SRRT: variants seen among roughly 807,000 people sequenced by gnomAD.
SRRT encodes the protein serrate RNA effector molecule homolog.
A neutral mutation model predicts 103.2 loss-of-function variants in SRRT; 32 were observed. That is an observed-to-expected ratio of 0.31 (90% CI 0.23 to 0.42). The LOEUF (loss-of-function observed/expected upper bound fraction) is 0.42, where lower values mean the gene tolerates loss of function less well. Ranked by LOEUF, SRRT falls within the 10% of genes least tolerant of loss-of-function variation. The pLI, the probability that SRRT is intolerant of heterozygous loss-of-function variation, is 1.00. For synonymous variants in SRRT, 525 were observed against 449.0 expected (o/e 1.17, Z -2.14); for missense variants, 986 against 1,207.5 (o/e 0.82, Z 2.72).
In SRRT at chr7:100,886,455, A is replaced by T; in HGVS notation, c.1647+20A>T. 1 of 1,597,488 alleles carries T rather than the reference A, an allele frequency of 6.3e-7. No homozygotes were observed. The highest frequency in any genetic ancestry group is 8.5e-7 in the Non-Finnish European group (1 of 1,172,330). On this transcript the variant is annotated intron_variant, in intron 13 of 19. Transcript: ENST00000611405. ...CCCACGGTCAGTGACTCCCCAAAGG[A>T]CTTTGTCAGAAGCAACTGGTAGTGC... is the stretch of plus-strand genomic sequence containing the variant.
rs202246487 is a variant in SRRT, at chr7:100,886,772, C to G, written c.1648-23C>G. 3.2e-5 allele frequency: 52 copies of G among 1,613,634 alleles called. No individual in the cohort carries two copies. The East Asian group carries it at 1.1e-3, about 35-fold the overall frequency. On this transcript the variant is annotated intron_variant, in intron 13 of 19. Transcript: ENST00000611405. ...TCCTCTGAAGGTCTTCTCTGCCTTA[C>G]TTGCTTCTCTTCCTCCCATCAGAGC...
rs199680289 is a variant in SRRT at position 100,885,035 on chromosome 7, A to C, written c.1154A>C (p.Glu385Ala). ...ESGQAEEEKE[E>A]AEEALKEKEK... Reference sequence around the variant, plus strand: ...GGCCAGGCTGAGGAGGAGAAGGAGGAGGCCGGTAGGGTTTCTTTTCTGCTT... The same window carrying C: ...GGCCAGGCTGAGGAGGAGAAGGAGGCGGCCGGTAGGGTTTCTTTTCTGCTT... Residue 385 changes from glutamate (E) to alanine (A), a missense_variant, in exon 9 of 20, where the codon GAG (glutamate) becomes GCG (alanine). Coordinates refer to ENST00000611405, the MANE Select transcript of SRRT (RefSeq NM_015908.6). This position sits in a 1 kb window ranked among gnomAD's most constrained non-coding sequence, Gnocchi z 4.8. The C allele has an allele frequency of 1.2e-5, 20 of 1,613,570 alleles. No homozygotes were observed. The highest frequency in any genetic ancestry group is 6.7e-5 in the East Asian group (3 of 44,884).
At position 100,888,291 on chromosome 7, in the gene SRRT, C is replaced by T; in HGVS notation, c.2463C>T (p.Gly821=). Residue 821 remains glycine, a synonymous_variant, in exon 19 of 20, where the codon GGC becomes GGT. Coordinates refer to ENST00000611405, the MANE Select transcript of SRRT (RefSeq NM_015908.6). ...GAVRPAVPTG[G]PPYPHAPYGA... Reference sequence around the variant, plus strand: ...TCCGCCCTGCAGTCCCCACAGGAGGCCCTCCATACCCCCATGCCCCGTATG... The same window carrying T: ...TCCGCCCTGCAGTCCCCACAGGAGGTCCTCCATACCCCCATGCCCCGTATG... The T allele has an allele frequency of 6.2e-7, 1 of 1,612,998 alleles. No individual in the cohort carries two copies.
chr7:100,881,649 C>T lies in SRRT; in HGVS notation c.252-10C>T, dbSNP rs773632075. The T allele has an allele frequency of 8.7e-6, 14 of 1,613,954 alleles. No homozygotes were observed. The East Asian group carries it at 8.9e-5, about 10-fold the overall frequency. The stretch of plus-strand genomic sequence containing the variant: ...CTTCTCTGCTTTACTTTTGTGTCCC[C>T]CACCTTCAGGGATGAGCACAGCTCT... On this transcript the variant is annotated splice_polypyrimidine_tract_variant and intron_variant, in intron 3 of 19. Transcript: ENST00000611405.
chr7:100,881,725 C>T lies in SRRT; in HGVS notation c.318C>T (p.Gly106=). The T allele has an allele frequency of 6.2e-7, 1 of 1,613,964 alleles. No homozygotes were observed. The highest frequency in any genetic ancestry group is 8.5e-7 in the Non-Finnish European group (1 of 1,180,000). The stretch of plus-strand genomic sequence containing the variant: ...TGCCCTATGCTGGGGGGGGTGGGGG[C>T]CCAACTTATGGCCCCCCTCAGCCCT... ...YEMPYAGGGG[G]PTYGPPQPWG... The change falls in exon 4 of 20, where the codon GGC becomes GGT. Residue 106 remains glycine, a synonymous_variant. Transcript: ENST00000611405.
In SRRT at chr7:100,882,135, G is replaced by C; in HGVS notation, c.481G>C (p.Asp161His). The change falls in exon 5 of 20, where the codon GAC (aspartate) becomes CAC (histidine). Residue 161 changes from aspartate to histidine, a missense_variant. Asp to His is a moderately conservative substitution (Grantham distance 81). Transcript: ENST00000611405. The surrounding 1 kb of genome is among the most constrained non-coding windows in gnomAD (Gnocchi z 4.2). ...CAAGGAGTTTCTCCTCTCCCTGGAT[G>C]ACTCGGTGGATGAGACGGAGGCCGT... ...TFKEFLLSLD[D>H]SVDETEAVKR... 6.2e-7 allele frequency: 1 copy of C among 1,614,170 alleles called. No homozygotes were observed. The highest frequency in any genetic ancestry group is 1.1e-5 in the South Asian group (1 of 91,080).
Position 100,888,446 on chromosome 7 carries a change from C to T in SRRT, c.2556-28C>T, listed in dbSNP as rs1341950446. 5 of 1,613,638 alleles carry T rather than the reference C, an allele frequency of 3.1e-6. No homozygotes were observed. In the South Asian group the frequency reaches 3.3e-5, roughly 11 times the overall value. The stretch of plus-strand genomic sequence containing the variant: ...CAGACTCCCTTTTGGGAGCCCTCAG[C>T]TCTCATCCTGTACCTCTCACCTCAC... On this transcript the variant is annotated intron_variant, in intron 19 of 19. Coordinates refer to ENST00000611405, the MANE Select transcript of SRRT (RefSeq NM_015908.6).
intron 5 of SRRT, 27 bp from the exon 6 acceptor site, chr7:100,884,043 T>C (rs1004496104): frequency 6.4e-7 from 1 of 1,555,500 alleles, no homozygotes; most frequent in African/African-American, 1.4e-5. Context: ...AACTGTTTTG[T>C]CTTTCCCTCC....
rs992304050 is a variant in SRRT at position 100,879,824 on chromosome 7, AAAG to A, written c.123-1447_123-1445del. ...GAGACTGTCTCCAAAAAAAAAAAAA[AAAG>A]AAGAAGAAGAAGATGAGGATGGGGG... On this transcript the variant is annotated intron_variant, in intron 2 of 19. Transcript: ENST00000611405. Among the ~76,000 whole-genome samples, 392 of 149,860 alleles carry A rather than the reference AAAG, an allele frequency of 2.6e-3. 1 individual carries two copies. Among genetic ancestry groups the A allele is most frequent in the Non-Finnish European group, 4.2e-3 (285 of 67,488 alleles).
In SRRT at chr7:100,885,384, C is replaced by G. The variant is rs779887660; in HGVS notation, c.1317+14C>G. ...GAGATCATCTCCGTGAGTGGGGACC[C>G]GTGGAGTCAGGGCAGGGCTGATGGA... On this transcript the variant is annotated intron_variant, in intron 10 of 19. Coordinates refer to ENST00000611405, the MANE Select transcript of SRRT (RefSeq NM_015908.6). This position sits in a 1 kb window ranked among gnomAD's most constrained non-coding sequence, Gnocchi z 4.8. The G allele has an allele frequency of 6.2e-7, 1 of 1,610,272 alleles. No individual in the cohort carries two copies. Among genetic ancestry groups the G allele is most frequent in the African/African-American group, 1.3e-5 (1 of 74,984 alleles).
chr7:100,887,206 C>G lies in SRRT; in HGVS notation c.1975+6C>G. On this transcript the variant is annotated splice_donor_region_variant and intron_variant, in intron 15 of 19. Transcript: ENST00000611405. The surrounding 1 kb of genome is among the most constrained non-coding windows in gnomAD (Gnocchi z 4.1). The stretch of plus-strand genomic sequence containing the variant: ...CCGCATCAGTCACGGGGAAGGTGAG[C>G]TCCAGGTTCCCCTTTGTTCCCGGCT... The G allele has an allele frequency of 6.2e-7, 1 of 1,614,128 alleles. No homozygotes were observed. The highest frequency in any genetic ancestry group is 8.5e-7 in the Non-Finnish European group (1 of 1,179,980).
At position 100,887,880 on chromosome 7, in the gene SRRT, G is replaced by A; in HGVS notation, c.2326+21G>A. The stretch of plus-strand genomic sequence containing the variant: ...CCAGAGTAAGATACGATCCATGAAG[G>A]TCGCATGTGCCCTCTTCCTTGACTA... On this transcript the variant is annotated intron_variant, in intron 17 of 19. Coordinates refer to ENST00000611405, the MANE Select transcript of SRRT (RefSeq NM_015908.6). The surrounding 1 kb of genome is among the most constrained non-coding windows in gnomAD (Gnocchi z 4.1). The A allele has an allele frequency of 1.3e-6, 2 of 1,590,650 alleles. No individual in the cohort carries two copies. Among genetic ancestry groups the A allele is most frequent in the Non-Finnish European group, 1.7e-6 (2 of 1,162,286 alleles).
At chr7:100,886,005 G>T (rs1039361354) in intron 12 of SRRT, 64 bp downstream of exon 12, 3 of 1,552,576 alleles carry the variant, frequency 1.9e-6, no homozygotes, top group Non-Finnish European at 2.7e-6. Flanking sequence ...CGGGACCTCT[G>T]TGTGACTTTG....
In SRRT at chr7:100,875,902, C is replaced by G. The variant is rs1235331020; in HGVS notation, c.122+190C>G. ...GCTGTGGCTTGGTTTTTGAAATTCT[C>G]TGCAGATCAGAGCTATAGAGCTAAG... On this transcript the variant is annotated intron_variant, in intron 2 of 19. Transcript: ENST00000611405. The G allele has an allele frequency of 1.8e-5, 11 of 619,306 alleles. 1 individual carries two copies. The highest frequency in any genetic ancestry group is 5.5e-5 in the African/African-American group (3 of 54,358). The allele number at this position is 619,306 out of a possible 1,614,324, so 38.4% of individuals were successfully genotyped here.
chr7:100,883,244 C>T (rs1226430930), intron 5 of SRRT, among the ~76,000 whole-genome samples: 1 of 152,190 alleles, frequency 6.6e-6, no homozygotes, highest in African/African-American at 2.4e-5. Flanking sequence ...TGTTCTTGCT[C>T]CCTGCCTAAC....
In SRRT at chr7:100,888,120, G is replaced by A; in HGVS notation, c.2405G>A (p.Arg802Gln). 3 of 1,610,286 alleles carry A rather than the reference G, an allele frequency of 1.9e-6. No individual in the cohort carries two copies. Among genetic ancestry groups the A allele is most frequent in the Non-Finnish European group, 2.5e-6 (3 of 1,178,090 alleles). The change falls in exon 18 of 20, where the codon CGG (arginine) becomes CAG (glutamine). Residue 802 changes from arginine to glutamine, a missense_variant. Coordinates refer to ENST00000611405, the MANE Select transcript of SRRT (RefSeq NM_015908.6). The stretch of plus-strand genomic sequence containing the variant: ...GGCCTGATGCCCTATGGTCAGCCCC[G>A]GCCCCCGATCTTGGGCTATGGAGGT... ...PQGLMPYGQPRPPILGYGAGA... is the reference protein window; with the variant it reads ...PQGLMPYGQPQPPILGYGAGA...
chr7:100,881,767 C>A lies in SRRT; in HGVS notation c.360C>A (p.Val120=). 1 of 1,613,440 alleles carries A rather than the reference C, an allele frequency of 6.2e-7. No individual in the cohort carries two copies. Residue 120 remains valine, a synonymous_variant, in exon 4 of 20, where the codon GTC becomes GTA. Coordinates refer to ENST00000611405, the MANE Select transcript of SRRT (RefSeq NM_015908.6). ...CTCAGCCCTGGGGCCACCCTGACGT[C>A]CACATCATGCAGCACCATGTCCTGC... is the stretch of plus-strand genomic sequence containing the variant. ...GPPQPWGHPD[V]HIMQHHVLPI... is the part of the protein sequence containing the mutation.
chr7:100,876,999 C>T (rs1291533271), intron 2 of SRRT, among the ~76,000 whole-genome samples: 1 of 151,986 alleles, frequency 6.6e-6, no homozygotes, highest in Admixed American at 6.6e-5. Context: ...TAGGGGGTCT[C>T]CGAGGCTAAA....
Position 100,887,625 on chromosome 7 carries a change from G to GGAA in SRRT, c.2170-77_2170-76insAAG. On this transcript the variant is annotated intron_variant, in intron 16 of 19. Coordinates refer to ENST00000611405, the MANE Select transcript of SRRT (RefSeq NM_015908.6). The surrounding 1 kb of genome is among the most constrained non-coding windows in gnomAD (Gnocchi z 4.1). ...CTTACTGCACTGGCAGGCGGGAGCT[G>GGAA]GGAATCCTTCCAGCTCGGGCCTGGG... is the stretch of plus-strand genomic sequence containing the variant. 1 of 1,576,504 alleles carries GGAA rather than the reference G, an allele frequency of 6.3e-7. No individual in the cohort carries two copies. Among genetic ancestry groups the GGAA allele is most frequent in the Middle Eastern group, 1.7e-4 (1 of 5,784 alleles).
Sources: gnomAD v4.1 joint callset for allele counts (sites outside exome capture counted in the v4.1 genomes callset) on GRCh38, gnomAD v4.1.1 for gene constraint, Gnocchi (gnomAD v3.1) non-coding constraint, MANE v1.5 for transcripts, NCBI Gene and HGNC (gene_info 2026-07-23, HGNC 2026-07-21) for gene names.